OAS2: variants seen among roughly 807,000 people sequenced by gnomAD.
OAS2 encodes 2'-5'-oligoadenylate synthase 2.
A neutral mutation model predicts 71.3 loss-of-function variants in OAS2; 67 were observed. The observed-to-expected ratio is 0.94, with a 90% CI of 0.77 to 1.15. OAS2 has a LOEUF of 1.15. Ranked by LOEUF, OAS2 falls within the 50% of genes most tolerant of loss-of-function variation. OAS2 has a pLI of 0.00. For missense variants in OAS2, 789 were observed against 822.5 expected (o/e 0.96, Z 0.50); for synonymous variants, 327 against 321.8 (o/e 1.02, Z -0.17).
rs74787889 is a variant in OAS2, at chr12:112,993,617, C to T, written c.449-1679C>T. On this transcript the variant is annotated intron_variant, in intron 2 of 9. Coordinates refer to ENST00000392583, the MANE Select transcript of OAS2 (RefSeq NM_002535.3). The stretch of plus-strand genomic sequence containing the variant: ...GTTTATGGGCCAGGGAGCTGGCTCA[C>T]GTCTGTAATTCCAACACTTTGGAAG... Among the ~76,000 whole-genome samples, 462 of 150,724 alleles carry T rather than the reference C, an allele frequency of 3.1e-3. 1 individual carries two copies. The highest frequency in any genetic ancestry group is 3.5e-3 in the Non-Finnish European group (235 of 68,010).
At position 113,009,126 on chromosome 12, in the gene OAS2, G is replaced by A; in HGVS notation, c.1935G>A (p.Val645=). ...ILDPAEPTGD[V]GGGDRWCWHL... ...ACCCAGCCGAACCCACAGGTGACGT[G>A]GGTGGAGGGGACCGTTGGTGTTGGC... The change falls in exon 10 of 10, where the codon GTG becomes GTA. Residue 645 remains valine (V), a synonymous_variant. Coordinates refer to ENST00000392583, the MANE Select transcript of OAS2 (RefSeq NM_002535.3). The A allele has an allele frequency of 6.2e-7, 1 of 1,614,004 alleles. No individual in the cohort carries two copies. The highest frequency in any genetic ancestry group is 1.3e-5 in the African/African-American group (1 of 75,040).
intron 1 of OAS2, among the ~76,000 whole-genome samples, chr12:112,983,413 C>T (rs577198267): frequency 2.6e-5 from 4 of 152,052 alleles, no homozygotes; most frequent in Non-Finnish European, 4.4e-5. Context: ...TTAGTAGAGA[C>T]GGGGTTTCAC....
intron 5 of OAS2, among the ~76,000 whole-genome samples, chr12:113,001,502 C>A (rs530282943): frequency 4.1e-4 from 60 of 144,900 alleles, no homozygotes; most frequent in Non-Finnish European, 7.2e-4. Flanking sequence ...ATATACACAT[C>A]TATACACATA....
rs1283107063 is a variant in OAS2 at position 113,009,178 on chromosome 12, TG to T, written c.1989del (p.Trp663CysfsTer22). The T allele has an allele frequency of 1.9e-6, 3 of 1,613,970 alleles. No homozygotes were observed. The highest frequency in any genetic ancestry group is 2.5e-6 in the Non-Finnish European group (3 of 1,180,016). On this transcript the variant is annotated frameshift_variant, in exon 10 of 10. Coordinates refer to ENST00000392583, the MANE Select transcript of OAS2 (RefSeq NM_002535.3). LOFTEE classifies it low-confidence loss of function (END_TRUNC). ...TCTTCTGGCAAAAGAAGCAAAGGAA[TG>T]GTTATCCTCTCCCTGCTTCAAGGAT... ...WHLLAKEAKEWLSSPCFKDGT... is the reference protein window; with the variant it reads ...WHLLAKEAKEXLSSPCFKDGT...
intron 2 of OAS2, 109 bp downstream of exon 2, chr12:112,987,417 A>G (rs1426016452): frequency 6.7e-7 from 1 of 1,495,712 alleles, no homozygotes; most frequent in African/African-American, 1.4e-5. Context: ...GCTTTAAAAA[A>G]TGGGAGACCA....
intron 1 of OAS2, among the ~76,000 whole-genome samples, chr12:112,981,126 T>C (rs2044077820): frequency 6.6e-6 from 1 of 152,190 alleles, no homozygotes; most frequent in South Asian, 2.1e-4. Flanking sequence ...TAAACCCTTG[T>C]TGGAAAAATA....
In OAS2 at chr12:113,006,393, C is replaced by T. The variant is rs766818774; in HGVS notation, c.1469-20C>T. 1 of 1,516,310 alleles carries T rather than the reference C, an allele frequency of 6.6e-7. No individual in the cohort carries two copies. The highest frequency in any genetic ancestry group is 8.9e-7 in the Non-Finnish European group (1 of 1,120,160). The allele number at this position is 1,516,310 out of a possible 1,614,324, so 93.9% of individuals were successfully genotyped here. A position where few individuals can be genotyped will look rare whatever the true frequency, so the allele number is the denominator to read the frequency against. On this transcript the variant is annotated intron_variant, in intron 7 of 9. Transcript: ENST00000392583. ...TACTATGTGTATTAAAGCAGGATGT[C>T]AATCTCTCCCTCATGCCAGGTCAGC... is the stretch of plus-strand genomic sequence containing the variant.
rs771452616 is a variant in OAS2 at position 113,004,968 on chromosome 12, C to A, written c.1214C>A (p.Thr405Asn). ...ACCGCCAAAGGCACAGCTCTGAAGA[C>A]TGGCTCTGATGCCGATCTCGTCGTG... ...GSTAKGTALK[T>N]GSDADLVVFH... The change falls in exon 7 of 10, where the codon ACT becomes AAT. Residue 405 changes from threonine to asparagine, a missense_variant. Thr to Asn is a moderately conservative substitution (Grantham distance 65, BLOSUM62 0). Transcript: ENST00000392583. The A allele has an allele frequency of 3.2e-5, 52 of 1,614,208 alleles. No homozygotes were observed. In the South Asian group the frequency reaches 5.7e-4, roughly 18 times the overall value.
At position 112,997,717 on chromosome 12, in the gene OAS2, C is replaced by A; in HGVS notation, c.825C>A (p.Thr275=). 2 of 1,609,794 alleles carry A rather than the reference C, an allele frequency of 1.2e-6. No homozygotes were observed. The highest frequency in any genetic ancestry group is 1.7e-6 in the Non-Finnish European group (2 of 1,177,504). ...WMVNYNFEDE[T]IRNILLHQLQ... Reference sequence around the variant, plus strand: ...TCAACTACAACTTTGAAGATGAGACCATCAGGAACATCCTGCTGCACCAGC... The same window carrying A: ...TCAACTACAACTTTGAAGATGAGACAATCAGGAACATCCTGCTGCACCAGC... Residue 275 remains threonine (T), a synonymous_variant, in exon 4 of 10, where the codon ACC becomes ACA. Coordinates refer to ENST00000392583, the MANE Select transcript of OAS2 (RefSeq NM_002535.3).
At chr12:113,003,830 C>A (rs1401217038) in intron 6 of OAS2, among the ~76,000 whole-genome samples, 1 of 152,188 alleles carries the variant, frequency 6.6e-6, no homozygotes, top group African/African-American at 2.4e-5. Flanking sequence ...TGCGTTGATG[C>A]CAGAACAAAT....
intron 5 of OAS2, among the ~76,000 whole-genome samples, chr12:113,002,442 T>C (rs765582263): frequency 9.7e-4 from 147 of 152,312 alleles, no homozygotes; most frequent in Non-Finnish European, 1.9e-3. Context: ...TATGGCAGCC[T>C]TTGGAAACCA....
In OAS2 at chr12:113,004,969, T is replaced by A; in HGVS notation, c.1215T>A (p.Thr405=). ...CCGCCAAAGGCACAGCTCTGAAGAC[T>A]GGCTCTGATGCCGATCTCGTCGTGT... ...GSTAKGTALK[T]GSDADLVVFH... Residue 405 remains threonine (T), a synonymous_variant, in exon 7 of 10, where the codon ACT becomes ACA. Transcript: ENST00000392583. 1 of 1,613,766 alleles carries A rather than the reference T, an allele frequency of 6.2e-7. No homozygotes were observed. The highest frequency in any genetic ancestry group is 2.2e-5 in the East Asian group (1 of 44,886).
chr12:112,997,444 G>A, intron 3 of OAS2, 76 bp from the exon 4 acceptor site: 1 of 1,264,436 alleles, frequency 7.9e-7, no homozygotes, highest in Non-Finnish European at 1.1e-6. Context: ...TAGACCTCTG[G>A]TTTCTTGATT....
At chr12:113,005,542 G>A (rs376760318) in intron 7 of OAS2, among the ~76,000 whole-genome samples, 6 of 150,428 alleles carry the variant, frequency 4.0e-5, no homozygotes, top group Admixed American at 6.6e-5. Flanking sequence ...GTGAGACTCC[G>A]TCTGAAAACA....
At position 113,004,186 on chromosome 12, in the gene OAS2, C is replaced by G. The variant is rs1014497547; in HGVS notation, c.1180-748C>G. On this transcript the variant is annotated intron_variant, in intron 6 of 9. Transcript: ENST00000392583. The stretch of plus-strand genomic sequence containing the variant: ...GGGGCTACAGTCTGAGAGGAGCCGC[C>G]GAAGCCCACCTCTTAAAGACAAAGG... Among the ~76,000 whole-genome samples, 4 of 152,230 alleles carry G rather than the reference C, an allele frequency of 2.6e-5. No individual in the cohort carries two copies. The East Asian group carries it at 7.7e-4, about 29-fold the overall frequency.
rs928714467 is a variant in OAS2, at chr12:113,009,454, C to T, written c.*199C>T. ...CAGATTCATGCACTGTAGGGTGCTG[C>T]GCAGCATCCCTAGTCTCTACCCAGT... is the stretch of plus-strand genomic sequence containing the variant. On this transcript the variant is annotated 3_prime_UTR_variant, in exon 10 of 10. Transcript: ENST00000392583. 54 of 1,382,584 alleles carry T rather than the reference C, an allele frequency of 3.9e-5. No individual in the cohort carries two copies. Among genetic ancestry groups the T allele is most frequent in the East Asian group, 8.3e-5 (3 of 35,984 alleles). The allele number at this position is 1,382,584 out of a possible 1,614,324, so 85.6% of individuals were successfully genotyped here.
rs564587038 is a variant in OAS2, at chr12:113,009,537, C to T, written c.*282C>T. The T allele has an allele frequency of 8.0e-5, 89 of 1,105,842 alleles. 1 individual carries two copies. The South Asian group carries it at 1.9e-3, about 23-fold the overall frequency. The allele number at this position is 1,105,842 out of a possible 1,614,324, so 68.5% of individuals were successfully genotyped here. ...CCAAAAGTCTTCAGACATTGTCAAA[C>T]GTTCCCCTGGGTTCACAGATCTTTC... is the stretch of plus-strand genomic sequence containing the variant. On this transcript the variant is annotated 3_prime_UTR_variant, in exon 10 of 10. Transcript: ENST00000392583.
Position 113,007,878 on chromosome 12 carries a change from G to C in OAS2, c.1830G>C (p.Lys610Asn), listed in dbSNP as rs1217480782. The change falls in exon 9 of 10, where the codon AAG (lysine) becomes AAC (asparagine). Residue 610 changes from lysine (K) to asparagine (N), a missense_variant. Physicochemically the swap from Lys to Asn is moderately conservative, Grantham distance 94 (BLOSUM62 0). Coordinates refer to ENST00000392583, the MANE Select transcript of OAS2 (RefSeq NM_002535.3). The stretch of plus-strand genomic sequence containing the variant: ...ATCAGCAGCTCTGCATCTTCTGGAA[G>C]GTCAATTACAACTTTGAAGATGAGA... ...TQYQQLCIFW[K>N]VNYNFEDETV... 6.2e-6 allele frequency: 10 copies of C among 1,614,044 alleles called. No homozygotes were observed. Among genetic ancestry groups the C allele is most frequent in the Non-Finnish European group, 8.5e-6 (10 of 1,180,018 alleles).
At chr12:112,986,002 G>T (rs1020304368) in intron 1 of OAS2, among the ~76,000 whole-genome samples, 4 of 152,206 alleles carry the variant, frequency 2.6e-5, no homozygotes, top group African/African-American at 9.6e-5. Flanking sequence ...AAATAAAAAA[G>T]ATGTTTTCCT....
Sources: gnomAD v4.1 joint callset for allele counts (sites outside exome capture counted in the v4.1 genomes callset) on GRCh38, gnomAD v4.1.1 for gene constraint, MANE v1.5 for transcripts, NCBI Gene and HGNC (gene_info 2026-07-23, HGNC 2026-07-21) for gene names.